ACACA: variants seen among roughly 807,000 people sequenced by gnomAD.
ACACA encodes acetyl-CoA carboxylase alpha, also known as acetyl-CoA carboxylase 1.
In ACACA, 103 loss-of-function variants were observed where a neutral mutation model predicts 296.1. The observed-to-expected ratio is 0.35, with a 90% confidence interval of 0.30 to 0.41. The LOEUF (loss-of-function observed/expected upper bound fraction) is 0.41. Among genes scored for constraint, ACACA ranks in the 10% least tolerant of loss-of-function variants. The pLI is 1.00. For synonymous variants in ACACA, 953 were observed against 1,038.6 expected (o/e 0.92, Z 1.58); for missense variants, 1,554 against 2,989.7 (o/e 0.52, Z 11.20).
chr17:37,267,048 T>C (rs925107468), intron 10 of ACACA, among the ~76,000 whole-genome samples: 1 of 152,240 alleles, frequency 6.6e-6, no homozygotes, highest in Non-Finnish European at 1.5e-5. Flanking sequence ...ACGTTTTACT[T>C]TTCTGTTATG....
At chr17:37,381,125 C>T (rs943123475) in intron 1 of ACACA, among the ~76,000 whole-genome samples, 1 of 151,954 alleles carries the variant, frequency 6.6e-6, no homozygotes, top group Non-Finnish European at 1.5e-5. Flanking sequence ...ACCATATACA[C>T]TGTTCTGCCC....
intron 3 of ACACA, among the ~76,000 whole-genome samples, chr17:37,300,273 CACAG>C (rs2083556891): frequency 6.6e-6 from 1 of 152,136 alleles, no homozygotes. Flanking sequence ...GCAAATTTGC[CACAG>C]ACAGATCTCT....
chr17:37,358,552 G>A (rs1289391177), intron 1 of ACACA, among the ~76,000 whole-genome samples: 2 of 152,162 alleles, frequency 1.3e-5, no homozygotes, highest in East Asian at 3.9e-4. Context: ...AGAGAGAAAG[G>A]ACTTTCAATG....
intron 24 of ACACA, among the ~76,000 whole-genome samples, chr17:37,237,781 G>A (rs1027694075): frequency 2.0e-5 from 3 of 151,760 alleles, no homozygotes; most frequent in Non-Finnish European, 4.4e-5. Flanking sequence ...TTTTTTTGGA[G>A]ACTGTGTCCT....
At position 37,392,041 on chromosome 17, in the gene ACACA, A is replaced by C. The variant is rs2050906521; in HGVS notation, c.38+14221T>G. On this transcript the variant is annotated intron_variant, in intron 1 of 55. Coordinates refer to ENST00000616317, the MANE Select transcript of ACACA (RefSeq NM_198834.3). ...ACTCTCTTTGACAGAAGACTCAAACACAGCCTCTAAGAAACAAGGCAGCTG... is the reference window on the plus strand; with the variant it reads ...ACTCTCTTTGACAGAAGACTCAAACCCAGCCTCTAAGAAACAAGGCAGCTG... The C allele has an allele frequency of 1.0e-5, 3 of 288,126 alleles. No homozygotes were observed. In the East Asian group the frequency reaches 1.8e-4, roughly 17 times the overall value. The allele number at this position is 288,126 out of a possible 1,614,324, so 17.8% of individuals were successfully genotyped here. A position where few individuals can be genotyped will look rare whatever the true frequency, so the allele number is the denominator to read the frequency against.
intron 45 of ACACA, among the ~76,000 whole-genome samples, chr17:37,147,778 A>T (rs1042534972): frequency 6.6e-6 from 1 of 152,176 alleles, no homozygotes; most frequent in African/African-American, 2.4e-5. Flanking sequence ...AGCTTTATTT[A>T]TCTTTCACCC....
chr17:37,382,767 G>A (rs1284838582), intron 1 of ACACA, among the ~76,000 whole-genome samples: 1 of 152,214 alleles, frequency 6.6e-6, no homozygotes, highest in Non-Finnish European at 1.5e-5. Flanking sequence ...GGCTGAGACA[G>A]AAGAATAGCT....
In ACACA at chr17:37,257,432, A is replaced by T. The variant is rs1186610444; in HGVS notation, c.1826+271T>A. On this transcript the variant is annotated intron_variant, in intron 14 of 55. Coordinates refer to ENST00000616317, the MANE Select transcript of ACACA (RefSeq NM_198834.3). ...CCTGTGGAAAAATAAGATACCTTTA[A>T]AGCAATCAATTTTATACATTTATCA... 2.0e-5 allele frequency among the ~76,000 whole-genome samples: 3 copies of T among 152,236 alleles called. No individual in the cohort carries two copies. In the East Asian group the frequency reaches 5.8e-4, roughly 29 times the overall value.
At position 37,226,342 on chromosome 17, in the gene ACACA, G is replaced by T. The variant is rs1221853916; in HGVS notation, c.3357C>A (p.Arg1119=). 1 of 1,612,134 alleles carries T rather than the reference G, an allele frequency of 6.2e-7. No individual in the cohort carries two copies. The highest frequency in any genetic ancestry group is 1.1e-5 in the South Asian group (1 of 91,040). Residue 1119 remains arginine (R), a synonymous_variant, in exon 26 of 56, where the codon CGC becomes CGA. Coordinates refer to ENST00000616317, the MANE Select transcript of ACACA (RefSeq NM_198834.3). The part of the protein sequence containing the change: ...TTNAKVALRA[R]QVLIASHLPS... The stretch of plus-strand genomic sequence containing the variant: ...GAAAACCAACAAATGTCCTTACCTG[G>T]CGTGCTCGAAGTGCTACTTTGGCAT...
chr17:37,319,551 G>A (rs1188045501), intron 3 of ACACA, among the ~76,000 whole-genome samples: 2 of 151,974 alleles, frequency 1.3e-5, no homozygotes, highest in Non-Finnish European at 2.9e-5. Flanking sequence ...GGCTGGGCAC[G>A]GTAGCTCACA....
At chr17:37,392,382 T>C (rs1306491469) in intron 1 of ACACA, 1 of 152,154 alleles carries the variant, frequency 6.6e-6, no homozygotes, top group African/African-American at 2.4e-5. Flanking sequence ...TAATAGAGAG[T>C]TGCATACCTT....
At chr17:37,227,991 C>A (rs900496351) in intron 25 of ACACA, among the ~76,000 whole-genome samples, 1 of 152,076 alleles carries the variant, frequency 6.6e-6, no homozygotes, top group Non-Finnish European at 1.5e-5. Flanking sequence ...GTTAATCTCC[C>A]CACTTTGATT....
intron 55 of ACACA, among the ~76,000 whole-genome samples, chr17:37,087,663 A>C (rs1351334840): frequency 1.3e-5 from 2 of 152,050 alleles, no homozygotes; most frequent in African/African-American, 2.4e-5. Context: ...CCAAAACAAA[A>C]CCCAAAAAAA....
intron 1 of ACACA, among the ~76,000 whole-genome samples, chr17:37,344,592 T>A (rs1202562915): frequency 6.6e-6 from 1 of 151,372 alleles, no homozygotes; most frequent in East Asian, 1.9e-4. Flanking sequence ...ATAAATAAAC[T>A]AAAAAGGCAT....
At chr17:37,198,647 T>G (rs770221508) in intron 35 of ACACA, among the ~76,000 whole-genome samples, 6 of 152,214 alleles carry the variant, frequency 3.9e-5, no homozygotes, top group Non-Finnish European at 7.3e-5. Context: ...TTGACATATA[T>G]CTACACTCTG....
At chr17:37,108,547 C>T (rs973617137) in intron 52 of ACACA, among the ~76,000 whole-genome samples, 1 of 152,090 alleles carries the variant, frequency 6.6e-6, no homozygotes, top group Non-Finnish European at 1.5e-5. Context: ...CACCACCATG[C>T]CCGGCTAATT....
intron 30 of ACACA, among the ~76,000 whole-genome samples, chr17:37,209,822 C>G (rs912008765): frequency 6.6e-6 from 1 of 152,124 alleles, no homozygotes; most frequent in Non-Finnish European, 1.5e-5. Flanking sequence ...TTGCTTGGTT[C>G]AAGAGACAGG....
chr17:37,116,132 A>G (rs986132731), intron 50 of ACACA, among the ~76,000 whole-genome samples: 1 of 152,154 alleles, frequency 6.6e-6, no homozygotes, highest in African/African-American at 2.4e-5. Flanking sequence ...AACTGAGACT[A>G]CAGGTGCGTG....
chr17:37,331,094 C>CATTTATTTATTT (rs34937895), intron 2 of ACACA, among the ~76,000 whole-genome samples: 128 of 146,272 alleles, frequency 8.8e-4, no homozygotes, highest in African/African-American at 2.1e-3. Flanking sequence ...TTTTATTTTT[C>CATTTATTTATTT]ATTTATTTAT....
Sources: allele counts gnomAD v4.1 joint callset (sites outside exome capture counted in the v4.1 genomes callset), GRCh38; gene constraint gnomAD v4.1.1; transcripts MANE v1.5; gene names NCBI Gene and HGNC (gene_info 2026-07-23, HGNC 2026-07-21).